The following DMAC2L variants were observed in gnomAD, a reference collection of about 807,000 sequenced individuals.
The protein encoded by DMAC2L is ATP synthase subunit s, mitochondrial.
A neutral mutation model predicts 22.5 loss-of-function variants in DMAC2L; 21 were observed. The ratio of observed to expected loss-of-function variants is 0.93; its 90% CI spans 0.66 to 1.34. The LOEUF is 1.34. Among genes scored for constraint, DMAC2L ranks in the 40% most tolerant of loss-of-function variants. The pLI is 0.00. For synonymous variants in DMAC2L, 86 were observed against 89.5 expected (o/e 0.96, Z 0.22); for missense variants, 239 against 246.5 (o/e 0.97, Z 0.20).
At position 50,312,906 on chromosome 14, in the gene DMAC2L, C is replaced by CCT. The variant is rs565247287; in HGVS notation, c.-42+518_-42+519dup. 8.5e-4 allele frequency: 926 copies of CCT among 1,094,556 alleles called. 13 individuals are homozygous for CCT. In the African/African-American group the frequency reaches 0.013, roughly 16 times the overall value. 67.8% of individuals were successfully genotyped at this position (1,094,556 alleles called of 1,614,324 possible). ...TGATTCGTCTTGTAAATATGGAGCG[C>CCT]CTGCTCTGTACTCGACCCGGCACTG... is the stretch of plus-strand genomic sequence containing the variant. On this transcript the variant is annotated intron_variant, in intron 1 of 5. Transcript: ENST00000557421.
At position 50,325,742 on chromosome 14, in the gene DMAC2L, A is replaced by G; in HGVS notation, c.*19A>G. The G allele has an allele frequency of 6.3e-7, 1 of 1,597,280 alleles. No individual in the cohort carries two copies. The highest frequency in any genetic ancestry group is 1.1e-5 in the South Asian group (1 of 88,634). The stretch of plus-strand genomic sequence containing the variant: ...GAAGTAAAATAATGTGTCTTATTTC[A>G]GTATAAAGGATCATTTGAAACTGTT... On this transcript the variant is annotated 3_prime_UTR_variant, in exon 6 of 6. Coordinates refer to ENST00000557421, the MANE Select transcript of DMAC2L (RefSeq NM_001382507.1).
rs2139331156 is a variant in DMAC2L, at chr14:50,326,048, T to A, written c.*325T>A. ...AGTTCAAGACCAACCATGGCCAACA[T>A]GGTGAAACCCCATCTCTACTAAAAA... is the stretch of plus-strand genomic sequence containing the variant. On this transcript the variant is annotated 3_prime_UTR_variant, in exon 6 of 6. Coordinates refer to ENST00000557421, the MANE Select transcript of DMAC2L (RefSeq NM_001382507.1). 1 of 441,648 alleles carries A rather than the reference T, an allele frequency of 2.3e-6. No homozygotes were observed. The highest frequency in any genetic ancestry group is 8.3e-5 in the South Asian group (1 of 12,086). 27.4% of individuals were successfully genotyped at this position (441,648 alleles called of 1,614,324 possible).
chr14:50,326,638 TAA>T lies in DMAC2L; in HGVS notation c.*918_*919del. The T allele has an allele frequency of 1.0e-6, 1 of 985,416 alleles. No individual in the cohort carries two copies. The highest frequency in any genetic ancestry group is 1.1e-4 in the East Asian group (1 of 8,822). 61.0% of individuals were successfully genotyped at this position (985,416 alleles called of 1,614,324 possible). ...TTGTAAGCTTAGGCTACTATTTTAT[TAA>T]AACTGGACATAGATACTTGGCTGAA... On this transcript the variant is annotated 3_prime_UTR_variant, in exon 6 of 6. Coordinates refer to ENST00000557421, the MANE Select transcript of DMAC2L (RefSeq NM_001382507.1).
chr14:50,311,536 C>A, upstream of DMAC2L: 1 of 449,652 alleles, frequency 2.2e-6, no homozygotes, highest in Non-Finnish European at 4.5e-6. Flanking sequence ...GAGCTGCCTC[C>A]GACGGGGGCA....
intron 1 of DMAC2L, 187 bp downstream of exon 1, chr14:50,312,576 G>T (rs990489284): frequency 1.5e-5 from 4 of 275,434 alleles, no homozygotes; most frequent in Non-Finnish European, 2.1e-5. Flanking sequence ...GAAAATTCTT[G>T]TTTGGGCGGG....
chr14:50,319,200 G>C, intron 2 of DMAC2L: 1 of 1,535,998 alleles, frequency 6.5e-7, no homozygotes, highest in Non-Finnish European at 8.7e-7. Flanking sequence ...CAGGCAGAGA[G>C]CGCTTTAACA....
chr14:50,325,092 A>G (rs1432075087), intron 5 of DMAC2L, among the ~76,000 whole-genome samples: 3 of 151,776 alleles, frequency 2.0e-5, no homozygotes, highest in East Asian at 1.9e-4. Context: ...TGTTTAATCA[A>G]ATCCCTGTGT....
At chr14:50,323,428 C>CT (rs2032463119) in intron 4 of DMAC2L, among the ~76,000 whole-genome samples, 1 of 133,868 alleles carries the variant, frequency 7.5e-6, no homozygotes, top group African/African-American at 2.8e-5. Flanking sequence ...GAGTCTCACT[C>CT]TGTCACCAAG....
chr14:50,313,149 T>G, intron 1 of DMAC2L: 1 of 1,129,104 alleles, frequency 8.9e-7, no homozygotes, highest in Non-Finnish European at 1.3e-6. Context: ...AAATTGTCAC[T>G]GTGCCGGTGT....
Position 50,312,331 on chromosome 14 carries a change from C to T in DMAC2L, c.-100C>T. On this transcript the variant is annotated 5_prime_UTR_variant, in exon 1 of 6. Transcript: ENST00000557421. ...CGCGCGTCGGAGGGCGAAGGGCCGG[C>T]CAGGGTGCCGCAGACGCGGGGACGC... The T allele has an allele frequency of 1.2e-6, 1 of 836,246 alleles. No individual in the cohort carries two copies. Among genetic ancestry groups the T allele is most frequent in the Non-Finnish European group, 1.8e-6 (1 of 543,634 alleles). The allele number at this position is 836,246 out of a possible 1,614,324, so 51.8% of individuals were successfully genotyped here.
At chr14:50,318,189 A>G (rs926652244) in intron 2 of DMAC2L, among the ~76,000 whole-genome samples, 4 of 152,092 alleles carry the variant, frequency 2.6e-5, no homozygotes, top group African/African-American at 9.7e-5. Flanking sequence ...TTAGAGCTAG[A>G]TTCACTAACT....
At chr14:50,319,457 C>T (rs2032088442) in intron 2 of DMAC2L, among the ~76,000 whole-genome samples, 1 of 152,190 alleles carries the variant, frequency 6.6e-6, no homozygotes, top group Non-Finnish European at 1.5e-5. Flanking sequence ...GAGGAAAGGA[C>T]CCTGGGCTGG....
chr14:50,312,275 A>G (rs2031283274), upstream of DMAC2L: 1 of 1,404,266 alleles, frequency 7.1e-7, no homozygotes, highest in Non-Finnish European at 9.7e-7. Flanking sequence ...CCTTCGCCCC[A>G]TGTGGGAGAG....
intron 2 of DMAC2L, among the ~76,000 whole-genome samples, chr14:50,316,218 TTG>T (rs1163121566): frequency 6.6e-6 from 1 of 152,164 alleles, no homozygotes; most frequent in African/African-American, 2.4e-5. Flanking sequence ...CTTTTGAGAA[TTG>T]TCTTCATGTC....
At chr14:50,315,195 T>C (rs2031662591) in intron 2 of DMAC2L, among the ~76,000 whole-genome samples, 1 of 150,480 alleles carries the variant, frequency 6.6e-6, no homozygotes, top group South Asian at 2.1e-4. Context: ...CTCAATCTCC[T>C]GGCCTCGTGA....
intron 1 of DMAC2L, 72 bp downstream of exon 1, chr14:50,312,461 C>T: frequency 4.3e-6 from 2 of 469,830 alleles, no homozygotes; most frequent in Non-Finnish European, 7.7e-6. Context: ...CGCCCGTCGC[C>T]AACGCTGGGC....
At chr14:50,312,241 C>G (rs553689392), upstream of DMAC2L, 10 of 1,527,770 alleles carry the variant, frequency 6.5e-6, no homozygotes, top group African/African-American at 5.5e-5. Context: ...CCGCCCCTCA[C>G]GCGGGGGCCA....
intron 3 of DMAC2L, among the ~76,000 whole-genome samples, 191 bp downstream of exon 3, chr14:50,321,785 C>T: frequency 6.6e-6 from 1 of 152,146 alleles, no homozygotes; most frequent in East Asian, 1.9e-4. Flanking sequence ...TTAATTGTGG[C>T]TGTTTGGGTT....
chr14:50,314,587 C>A lies in DMAC2L; in HGVS notation c.-41-4C>A, dbSNP rs1369678965. 2.2e-6 allele frequency: 1 copy of A among 455,628 alleles called. No individual in the cohort carries two copies. Among genetic ancestry groups the A allele is most frequent in the South Asian group, 1.5e-5 (1 of 64,540 alleles). The allele number at this position is 455,628 out of a possible 1,614,324, so 28.2% of individuals were successfully genotyped here. On this transcript the variant is annotated splice_polypyrimidine_tract_variant and splice_region_variant and intron_variant, in intron 1 of 5. Coordinates refer to ENST00000557421, the MANE Select transcript of DMAC2L (RefSeq NM_001382507.1). ...TTTGTGTGAACCTGTTTTTGTTTCT[C>A]TAGGATAAGTGCCCAAGAGTACAAT...
Sources: gnomAD v4.1 joint callset for allele counts (sites outside exome capture counted in the v4.1 genomes callset) on GRCh38, gnomAD v4.1.1 for gene constraint, MANE v1.5 for transcripts, NCBI Gene and HGNC (gene_info 2026-07-23, HGNC 2026-07-21) for gene names.